Variants in CPQ observed in about 807,000 individuals in gnomAD.
CPQ encodes carboxypeptidase Q.
CPQ carries 37 observed loss-of-function variants against 45.7 expected under a neutral mutation model. The ratio of observed to expected loss-of-function variants is 0.81; its 90% CI spans 0.62 to 1.07. CPQ has a LOEUF of 1.07. CPQ is among the 50% of genes least tolerant of loss of function. CPQ has a pLI of 0.00. For synonymous variants in CPQ, 186 were observed against 205.8 expected, an observed-to-expected ratio of 0.90 and a Z score of 0.82; for missense variants, 537 against 572.9, an observed-to-expected ratio of 0.94 and a Z score of 0.64.
intron 4 of CPQ, among the ~76,000 whole-genome samples, chr8:96,910,691 A>G (rs1298666761): frequency 6.6e-6 from 1 of 152,126 alleles, no homozygotes; most frequent in African/African-American, 2.4e-5. Context: ...TATTTAGTAG[A>G]GACGGGGTTT....
intron 4 of CPQ, among the ~76,000 whole-genome samples, chr8:96,936,593 A>T (rs1204939604): frequency 6.6e-6 from 1 of 152,212 alleles, no homozygotes; most frequent in Admixed American, 6.5e-5. Context: ...ACTCAACCTC[A>T]CAAAATCTCT....
Position 97,066,916 on chromosome 8 carries a change from CT to C in CPQ, c.1255+735del, listed in dbSNP as rs752150876. On this transcript the variant is annotated intron_variant, in intron 7 of 7. Transcript: ENST00000220763. ...TACAAGCTGGAACAGCTGGAACAGT[CT>C]TTTTTTTTTTTTTTTTTTTTTTTTT... 1.9e-3 allele frequency among the ~76,000 whole-genome samples: 114 copies of C among 60,382 alleles called. 1 individual carries two copies. Among genetic ancestry groups the C allele is most frequent in the African/African-American group, 5.6e-3 (96 of 17,160 alleles). 39.6% of individuals were successfully genotyped at this position (60,382 alleles called of 152,430 possible). A position where few individuals can be genotyped will look rare whatever the true frequency, so the allele number is the denominator to read the frequency against.
chr8:96,969,334 C>G (rs1044674244), intron 5 of CPQ, among the ~76,000 whole-genome samples: 1 of 152,184 alleles, frequency 6.6e-6, no homozygotes, highest in Non-Finnish European at 1.5e-5. Flanking sequence ...TGTGCATTGA[C>G]TGCTGGTTCA....
At chr8:96,893,038 C>T (rs1428604585) in intron 4 of CPQ, among the ~76,000 whole-genome samples, 1 of 152,154 alleles carries the variant, frequency 6.6e-6, no homozygotes, top group African/African-American at 2.4e-5. Context: ...TTAATGTTCA[C>T]CACAACCTTG....
chr8:96,868,050 T>G (rs943539325), intron 3 of CPQ, among the ~76,000 whole-genome samples: 2 of 152,072 alleles, frequency 1.3e-5, no homozygotes, highest in African/African-American at 4.8e-5. Flanking sequence ...GAGTAGAGCA[T>G]TTAATTACTG....
chr8:96,645,744 A>G (rs2048715143), intron 1 of CPQ, among the ~76,000 whole-genome samples: 1 of 151,952 alleles, frequency 6.6e-6, no homozygotes, highest in South Asian at 2.1e-4. Context: ...TCCAGGGCTC[A>G]GCCCCAAGCC....
chr8:96,971,417 A>C (rs938897516), intron 5 of CPQ, among the ~76,000 whole-genome samples: 1 of 152,234 alleles, frequency 6.6e-6, no homozygotes, highest in Non-Finnish European at 1.5e-5. Flanking sequence ...AAATATTTGA[A>C]ATATGCTAAT....
chr8:96,771,274 G>A (rs2130798529), intron 1 of CPQ, among the ~76,000 whole-genome samples: 1 of 151,584 alleles, frequency 6.6e-6, no homozygotes, highest in South Asian at 2.1e-4. Context: ...TCTTTACCTG[G>A]CTTCCCCATT....
intron 7 of CPQ, among the ~76,000 whole-genome samples, chr8:97,123,236 TAAATA>T (rs1298618212): frequency 8.0e-5 from 9 of 112,538 alleles, no homozygotes; most frequent in South Asian, 2.7e-4. Context: ...TAAAATAAAA[TAAATA>T]AAATAAAATA....
intron 4 of CPQ, among the ~76,000 whole-genome samples, chr8:96,941,771 T>C (rs945673390): frequency 1.3e-5 from 2 of 152,162 alleles, no homozygotes; most frequent in Non-Finnish European, 2.9e-5. Flanking sequence ...TCTAAAACAA[T>C]TAGAATGAAA....
chr8:96,935,377 G>A (rs1373278711), intron 4 of CPQ, among the ~76,000 whole-genome samples: 1 of 152,094 alleles, frequency 6.6e-6, no homozygotes, highest in African/African-American at 2.4e-5. Context: ...TCATTGTGAT[G>A]GGGTTATAGA....
intron 3 of CPQ, among the ~76,000 whole-genome samples, chr8:96,840,360 A>C (rs2130852603): frequency 6.6e-6 from 1 of 152,302 alleles, no homozygotes; most frequent in Admixed American, 6.5e-5. Context: ...TCTAATGTGG[A>C]GGAAATGGAG....
intron 1 of CPQ, among the ~76,000 whole-genome samples, chr8:96,677,159 C>CA (rs200072019): frequency 0.024 from 3,676 of 152,028 alleles, 158 homozygotes; most frequent in African/African-American, 0.084. Flanking sequence ...CTTTTTCCTA[C>CA]GTGACTTCTT....
intron 7 of CPQ, among the ~76,000 whole-genome samples, chr8:97,092,074 CATA>C (rs1811136266): frequency 6.6e-6 from 1 of 152,126 alleles, no homozygotes; most frequent in African/African-American, 2.4e-5. Flanking sequence ...CTGTTTGACA[CATA>C]ATACTGAAAC....
At chr8:96,921,027 T>C (rs559313223) in intron 4 of CPQ, among the ~76,000 whole-genome samples, 8 of 152,334 alleles carry the variant, frequency 5.3e-5, no homozygotes, top group African/African-American at 1.9e-4. Context: ...AAAGCACTTA[T>C]CACACACGCC....
intron 5 of CPQ, among the ~76,000 whole-genome samples, chr8:96,976,285 A>G (rs1813783359): frequency 6.7e-6 from 1 of 148,370 alleles, no homozygotes; most frequent in Admixed American, 6.7e-5. Context: ...TTAGGATTAT[A>G]CCTAACCAAG....
chr8:97,131,157 C>T, intron 7 of CPQ, among the ~76,000 whole-genome samples: 1 of 152,200 alleles, frequency 6.6e-6, no homozygotes, highest in East Asian at 1.9e-4. Context: ...TCCCTCAGAA[C>T]CTGGTTTGGG....
In CPQ at chr8:96,785,214, A is replaced by G. The variant is rs148891768; in HGVS notation, c.317A>G (p.Glu106Gly). 11 of 1,613,556 alleles carry G rather than the reference A, an allele frequency of 6.8e-6. No homozygotes were observed. The African/African-American group carries it at 1.5e-4, about 22-fold the overall frequency. ...GATGGGCTGGAGAAAGTTCACCTGG[A>G]GCCAGTGAGAATACCCCACTGGGAG... ...QQDGLEKVHL[E>G]PVRIPHWERG... The change falls in exon 2 of 8, where the codon GAG becomes GGG. Residue 106 changes from glutamate (E) to glycine (G), a missense_variant. Coordinates refer to ENST00000220763, the MANE Select transcript of CPQ (RefSeq NM_016134.4).
chr8:96,998,074 C>A (rs1809206464), intron 5 of CPQ, among the ~76,000 whole-genome samples: 1 of 151,948 alleles, frequency 6.6e-6, no homozygotes, highest in Non-Finnish European at 1.5e-5. Flanking sequence ...CTACACTATG[C>A]AGCAACCTGA....
Sources: gnomAD v4.1 joint callset for allele counts (sites outside exome capture counted in the v4.1 genomes callset) on GRCh38, gnomAD v4.1.1 for gene constraint, MANE v1.5 for transcripts, NCBI Gene and HGNC (gene_info 2026-07-23, HGNC 2026-07-21) for gene names.